Variants in EPHA6 observed in about 807,000 individuals in gnomAD.
EPHA6 encodes the protein ephrin type-A receptor 6.
A neutral mutation model predicts 112.0 loss-of-function variants in EPHA6; 50 were observed. That is an observed-to-expected ratio of 0.45 (90% CI 0.36 to 0.56). EPHA6 has a LOEUF of 0.56. EPHA6 is among the 20% of genes least tolerant of loss of function. The probability of loss-of-function intolerance (pLI) is 0.00; values close to 1 mark genes in which losing one functional copy is unlikely to be tolerated. For synonymous variants in EPHA6, 529 were observed against 490.7 expected, an observed-to-expected ratio of 1.08 and a Z score of -1.03; for missense variants, 1,280 against 1,417.4, an observed-to-expected ratio of 0.90 and a Z score of 1.56.
At chr3:97,422,397 A>T (rs2088738034) in intron 6 of EPHA6, among the ~76,000 whole-genome samples, 1 of 152,166 alleles carries the variant, frequency 6.6e-6, no homozygotes. Flanking sequence ...ATTCAACAAG[A>T]ATACTTAAGT....
intron 3 of EPHA6, among the ~76,000 whole-genome samples, chr3:97,149,454 C>T (rs2076118396): frequency 6.6e-6 from 1 of 151,982 alleles, no homozygotes; most frequent in Non-Finnish European, 1.5e-5. Flanking sequence ...TTGTCTGTCT[C>T]CACTGTATAA....
At chr3:97,050,233 A>G (rs1046334148) in intron 3 of EPHA6, among the ~76,000 whole-genome samples, 1 of 152,174 alleles carries the variant, frequency 6.6e-6, no homozygotes, top group Non-Finnish European at 1.5e-5. Context: ...TTAAATCCAA[A>G]TGAGATCAGG....
chr3:97,612,577 A>G (rs1576071917), intron 13 of EPHA6: 1 of 213,202 alleles, frequency 4.7e-6, no homozygotes, highest in African/African-American at 2.3e-5. Context: ...CAAATAAAAG[A>G]TTTACTTCTA....
At chr3:97,116,353 G>A (rs966359331) in intron 3 of EPHA6, among the ~76,000 whole-genome samples, 7 of 151,544 alleles carry the variant, frequency 4.6e-5, no homozygotes, top group African/African-American at 1.7e-4. Flanking sequence ...ATATCTGTGT[G>A]TATATATGAA....
At chr3:97,446,146 T>C (rs1421481777) in intron 6 of EPHA6, among the ~76,000 whole-genome samples, 1 of 152,104 alleles carries the variant, frequency 6.6e-6, no homozygotes, top group Non-Finnish European at 1.5e-5. Context: ...GCTAACTTGG[T>C]TTCCCAAGAG....
chr3:97,251,957 A>G (rs935233885), intron 5 of EPHA6, among the ~76,000 whole-genome samples: 5 of 152,242 alleles, frequency 3.3e-5, no homozygotes, highest in Admixed American at 2.0e-4. Flanking sequence ...TAAAATTTCA[A>G]ATTATTTGCA....
intron 3 of EPHA6, among the ~76,000 whole-genome samples, chr3:97,218,284 G>T (rs1030222277): frequency 6.6e-6 from 1 of 151,548 alleles, no homozygotes; most frequent in African/African-American, 2.4e-5. Context: ...AAAAAAAAAT[G>T]TAAAACCATT....
intron 11 of EPHA6, among the ~76,000 whole-genome samples, chr3:97,545,635 T>A (rs537047950): frequency 3.3e-4 from 51 of 152,300 alleles, no homozygotes; most frequent in Non-Finnish European, 6.0e-4. Context: ...ACTTTCTGTC[T>A]CGTTTATCTG....
chr3:97,447,340 C>A (rs1419313775), intron 6 of EPHA6, among the ~76,000 whole-genome samples: 1 of 151,934 alleles, frequency 6.6e-6, no homozygotes, highest in Non-Finnish European at 1.5e-5. Context: ...CAGGCAAACA[C>A]TAAATGAAAT....
At chr3:97,273,419 G>A (rs1423867210) in intron 5 of EPHA6, among the ~76,000 whole-genome samples, 1 of 152,096 alleles carries the variant, frequency 6.6e-6, no homozygotes, top group Non-Finnish European at 1.5e-5. Flanking sequence ...AGATAGTAGG[G>A]ATGACAAGTT....
At chr3:96,835,942 C>T (rs1340811192) in intron 1 of EPHA6, among the ~76,000 whole-genome samples, 1 of 152,000 alleles carries the variant, frequency 6.6e-6, no homozygotes. Context: ...CCAAGAATGT[C>T]ACAGTATTAA....
At chr3:96,863,340 C>T (rs548204748) in intron 1 of EPHA6, among the ~76,000 whole-genome samples, 1 of 152,018 alleles carries the variant, frequency 6.6e-6, no homozygotes, top group South Asian at 2.1e-4. Context: ...GAGCTCTCAC[C>T]TTGCTGTGTT....
At chr3:97,080,002 G>A (rs1259896993) in intron 3 of EPHA6, among the ~76,000 whole-genome samples, 2 of 151,698 alleles carry the variant, frequency 1.3e-5, no homozygotes, top group Non-Finnish European at 2.9e-5. Flanking sequence ...TAAACATAAC[G>A]TTAATATGCA....
chr3:96,976,371 A>G (rs760567155), intron 2 of EPHA6, among the ~76,000 whole-genome samples: 1 of 152,130 alleles, frequency 6.6e-6, no homozygotes, highest in Non-Finnish European at 1.5e-5. Context: ...ACTATATTTT[A>G]CTATATAAAC....
At chr3:97,537,467 T>C (rs1398929041) in intron 11 of EPHA6, among the ~76,000 whole-genome samples, 1 of 152,186 alleles carries the variant, frequency 6.6e-6, no homozygotes, top group East Asian at 1.9e-4. Flanking sequence ...CAAATAAGTG[T>C]GTCATTATTT....
intron 5 of EPHA6, among the ~76,000 whole-genome samples, chr3:97,366,953 G>A: frequency 6.6e-6 from 1 of 152,214 alleles, no homozygotes; most frequent in Admixed American, 6.5e-5. Context: ...CGCTTTACAC[G>A]TATTGATTCA....
chr3:97,725,738 G>A (rs1468443404), intron 15 of EPHA6, among the ~76,000 whole-genome samples: 1 of 152,070 alleles, frequency 6.6e-6, no homozygotes, highest in African/African-American at 2.4e-5. Flanking sequence ...CAGCCACTAA[G>A]AAGCAGATGC....
intron 3 of EPHA6, among the ~76,000 whole-genome samples, chr3:97,164,672 C>T (rs139506832): frequency 4.5e-4 from 69 of 152,186 alleles, no homozygotes; most frequent in African/African-American, 1.5e-3. Flanking sequence ...ATTATATTCA[C>T]ATGGCATATG....
intron 5 of EPHA6, among the ~76,000 whole-genome samples, chr3:97,328,542 G>T (rs567277619): frequency 1.3e-5 from 2 of 151,630 alleles, no homozygotes; most frequent in Non-Finnish European, 2.9e-5. Flanking sequence ...CTAATTGATT[G>T]TTTTTTATTT....
Sources: allele counts gnomAD v4.1 joint callset (sites outside exome capture counted in the v4.1 genomes callset), GRCh38; gene constraint gnomAD v4.1.1; transcripts MANE v1.5; gene names NCBI Gene and HGNC (gene_info 2026-07-23, HGNC 2026-07-21).